Variants in MYO18B observed in about 807,000 individuals in gnomAD.
MYO18B encodes the protein myosin XVIIIB.
A neutral mutation model predicts 273.0 loss-of-function variants in MYO18B; 204 were observed. The observed-to-expected ratio is 0.75, with a 90% confidence interval of 0.67 to 0.84. The LOEUF (loss-of-function observed/expected upper bound fraction) is 0.84, where lower values mean the gene tolerates loss of function less well. Ranked by LOEUF, MYO18B falls within the 40% of genes least tolerant of loss-of-function variation. MYO18B has a pLI of 0.00. For synonymous variants in MYO18B, 1,330 were observed against 1,305.7 expected, an observed-to-expected ratio of 1.02 and a Z score of -0.40; for missense variants, 3,212 against 3,287.6, an observed-to-expected ratio of 0.98 and a Z score of 0.56.
At chr22:25,826,954 G>T (rs901777195) in intron 14 of MYO18B, among the ~76,000 whole-genome samples, 1 of 152,076 alleles carries the variant, frequency 6.6e-6, no homozygotes, top group Non-Finnish European at 1.5e-5. Context: ...CCAGCTACTC[G>T]GGAGGCTGAG....
the MYO18B span, among the ~76,000 whole-genome samples, chr22:26,040,138 T>A: frequency 6.6e-6 from 1 of 152,244 alleles, no homozygotes; most frequent in Non-Finnish European, 1.5e-5. Context: ...TCTGAGTTAC[T>A]TCACTTAGAA....
At chr22:25,751,794 A>C (rs1157369171) in intron 1 of MYO18B, among the ~76,000 whole-genome samples, 1 of 152,214 alleles carries the variant, frequency 6.6e-6, no homozygotes, top group Admixed American at 6.5e-5. Context: ...GGTGCTTGGC[A>C]CACGGTTGGT....
At chr22:25,801,386 G>T (rs540094987) in intron 12 of MYO18B, among the ~76,000 whole-genome samples, 1 of 152,298 alleles carries the variant, frequency 6.6e-6, no homozygotes, top group African/African-American at 2.4e-5. Flanking sequence ...TTAGATGTAT[G>T]TGCTAACTTA....
chr22:25,749,759 A>G (rs2085881712), intron 1 of MYO18B, among the ~76,000 whole-genome samples: 1 of 152,294 alleles, frequency 6.6e-6, no homozygotes, highest in Non-Finnish European at 1.5e-5. Context: ...AGGCAGCTGT[A>G]AAGTCAGGGC....
At chr22:25,863,465 A>T (rs1569124953) in intron 21 of MYO18B, among the ~76,000 whole-genome samples, 1 of 152,168 alleles carries the variant, frequency 6.6e-6, no homozygotes, top group South Asian at 2.1e-4. Flanking sequence ...ATCTTTTCTT[A>T]ATCATTTAGT....
intron 12 of MYO18B, among the ~76,000 whole-genome samples, chr22:25,807,960 C>T (rs907553715): frequency 2.6e-5 from 4 of 151,908 alleles, no homozygotes; most frequent in Admixed American, 2.0e-4. Flanking sequence ...GGGTACAGTG[C>T]CAGGCATGTA....
At chr22:25,853,833 ATTC>A (rs2090492314) in intron 21 of MYO18B, among the ~76,000 whole-genome samples, 1 of 151,716 alleles carries the variant, frequency 6.6e-6, no homozygotes, top group East Asian at 2.0e-4. Context: ...GCTTCTTCTT[ATTC>A]TTTTTTTATT....
chr22:25,827,258 A>G (rs1601817137), intron 14 of MYO18B, among the ~76,000 whole-genome samples: 2 of 152,280 alleles, frequency 1.3e-5, no homozygotes, highest in South Asian at 4.1e-4. Flanking sequence ...CCGAGATGCA[A>G]ACACAATGCC....
At chr22:25,826,306 A>C (rs2089487582) in intron 13 of MYO18B, 103 bp from the exon 14 acceptor site, 1 of 798,142 alleles carries the variant, frequency 1.3e-6, no homozygotes, top group South Asian at 1.9e-5. Context: ...TGGCAAGAAA[A>C]GAAGGATTTT....
At chr22:25,973,331 A>G (rs2093055501) in intron 39 of MYO18B, among the ~76,000 whole-genome samples, 2 of 152,160 alleles carry the variant, frequency 1.3e-5, no homozygotes, top group African/African-American at 4.8e-5. Flanking sequence ...AGGGCTTTGC[A>G]TTTTTAGAAC....
intron 40 of MYO18B, among the ~76,000 whole-genome samples, chr22:25,997,426 C>CTGGGCA (rs1184197944): frequency 1.3e-5 from 2 of 151,526 alleles, no homozygotes; most frequent in Non-Finnish European, 2.9e-5. Flanking sequence ...GCAGGCCCTT[C>CTGGGCA]TGGGCATGGG....
At chr22:25,886,538 G>C (rs115577374) in intron 25 of MYO18B, among the ~76,000 whole-genome samples, 3,420 of 152,288 alleles carry the variant, frequency 0.022, 119 homozygotes, top group African/African-American at 0.077. Context: ...CCCTTCCACT[G>C]GGCATCCACC....
chr22:25,848,195 C>T (rs531297191), intron 20 of MYO18B, among the ~76,000 whole-genome samples: 5 of 152,164 alleles, frequency 3.3e-5, no homozygotes, highest in South Asian at 2.1e-4. Flanking sequence ...TTGATGTTCA[C>T]GATGCTCAGT....
At chr22:25,860,165 C>T (rs1053242558) in intron 21 of MYO18B, among the ~76,000 whole-genome samples, 41 of 152,316 alleles carry the variant, frequency 2.7e-4, no homozygotes, top group African/African-American at 9.4e-4. Flanking sequence ...AGTTTATTTT[C>T]GTAATCTAAA....
At chr22:25,833,079 A>G in intron 16 of MYO18B, 82 bp downstream of exon 16, 2 of 1,343,122 alleles carry the variant, frequency 1.5e-6, no homozygotes, top group Admixed American at 1.7e-5. Flanking sequence ...TCTTCAGTCT[A>G]CTAGTTGTCA....
chr22:25,791,233 A>T (rs1486101466), intron 11 of MYO18B, among the ~76,000 whole-genome samples: 1 of 152,132 alleles, frequency 6.6e-6, no homozygotes, highest in Non-Finnish European at 1.5e-5. Flanking sequence ...TATCAGGGAG[A>T]GCTGCCTGGC....
At chr22:25,948,404 G>A (rs978612546) in intron 36 of MYO18B, among the ~76,000 whole-genome samples, 20 of 142,934 alleles carry the variant, frequency 1.4e-4, no homozygotes, top group African/African-American at 5.0e-4. Context: ...TCTTTTTCCT[G>A]TCTTTCCTTC....
chr22:25,759,165 C>G (rs1327978175), intron 1 of MYO18B, among the ~76,000 whole-genome samples: 1 of 151,968 alleles, frequency 6.6e-6, no homozygotes, highest in Admixed American at 6.6e-5. Flanking sequence ...AAATAATACC[C>G]CAATATAACT....
At chr22:25,758,569 CA>C (rs1170149490) in intron 1 of MYO18B, among the ~76,000 whole-genome samples, 1 of 151,102 alleles carries the variant, frequency 6.6e-6, no homozygotes, top group African/African-American at 2.4e-5. Context: ...GGATGAATGT[CA>C]AAAACATGCA....
Sources: allele counts gnomAD v4.1 joint callset (sites outside exome capture counted in the v4.1 genomes callset), GRCh38; gene constraint gnomAD v4.1.1; transcripts MANE v1.5; gene names NCBI Gene and HGNC (gene_info 2026-07-23, HGNC 2026-07-21).